Variants in EMCN observed in about 807,000 individuals in gnomAD.
EMCN encodes the protein MUC-14.
EMCN carries 37 observed loss-of-function variants against 38.4 expected under a neutral mutation model. The observed-to-expected ratio is 0.96, with a 90% CI of 0.74 to 1.27. EMCN has a LOEUF of 1.27. Ranked by LOEUF, EMCN falls within the 50% of genes most tolerant of loss-of-function variation. The pLI is 0.00. For synonymous variants in EMCN, 95 were observed against 100.8 expected, an observed-to-expected ratio of 0.94 and a Z score of 0.35; for missense variants, 318 against 302.8, an observed-to-expected ratio of 1.05 and a Z score of -0.37.
Position 100,415,884 on chromosome 4 carries a change from G to C in EMCN, c.751+14C>G. On this transcript the variant is annotated intron_variant, in intron 10 of 11. Coordinates refer to ENST00000296420, the MANE Select transcript of EMCN (RefSeq NM_016242.4). ...TAACTAATTTTCATCTAATCAACTT[G>C]TCTGGAAACTTACCAGACTCATGAG... is the stretch of plus-strand genomic sequence containing the variant. 4 of 1,558,094 alleles carry C rather than the reference G, an allele frequency of 2.6e-6. No individual in the cohort carries two copies. Among genetic ancestry groups the C allele is most frequent in the Non-Finnish European group, 3.5e-6 (4 of 1,148,446 alleles).
chr4:100,412,841 A>G (rs1726602530), intron 10 of EMCN, among the ~76,000 whole-genome samples: 1 of 152,168 alleles, frequency 6.6e-6, no homozygotes, highest in African/African-American at 2.4e-5. Context: ...GGAAGAAGGG[A>G]GTATGGATGG....
intron 5 of EMCN, among the ~76,000 whole-genome samples, chr4:100,430,306 A>G (rs1727161068): frequency 6.6e-6 from 1 of 152,164 alleles, no homozygotes; most frequent in South Asian, 2.1e-4. Context: ...AGTCTGTGGT[A>G]TCAACCCCAA....
chr4:100,449,765 G>C lies in EMCN; in HGVS notation c.377-2194C>G, dbSNP rs1208959221. Among the ~76,000 whole-genome samples, 4 of 152,078 alleles carry C rather than the reference G, an allele frequency of 2.6e-5. No individual in the cohort carries two copies. In the East Asian group the frequency reaches 7.7e-4, roughly 29 times the overall value. ...TAACTATACATTAAGGTATAGCTGA[G>C]TCTTCATAAAACACATCACTTCAAA... On this transcript the variant is annotated intron_variant, in intron 4 of 11. Transcript: ENST00000296420.
chr4:100,446,248 C>T lies in EMCN; in HGVS notation c.415+1285G>A, dbSNP rs560095080. 1.5e-4 allele frequency: 144 copies of T among 975,926 alleles called. No individual in the cohort carries two copies. In the African/African-American group the frequency reaches 2.4e-3, roughly 16 times the overall value. 60.5% of individuals were successfully genotyped at this position (975,926 alleles called of 1,614,324 possible). A position where few individuals can be genotyped will look rare whatever the true frequency, so the allele number is the denominator to read the frequency against. ...CCTCTAGTGCCTGCCAATTTTTAGCCTATGAAGATGGAAATAATAAAAAAT... is the reference window on the plus strand; with the variant it reads ...CCTCTAGTGCCTGCCAATTTTTAGCTTATGAAGATGGAAATAATAAAAAAT... On this transcript the variant is annotated intron_variant, in intron 5 of 11. Transcript: ENST00000296420.
At chr4:100,488,917 G>A (rs1471392609) in intron 1 of EMCN, among the ~76,000 whole-genome samples, 3 of 152,006 alleles carry the variant, frequency 2.0e-5, no homozygotes, top group Non-Finnish European at 2.9e-5. Context: ...GCCCTGAAAG[G>A]TTGTTTTAAG....
At chr4:100,418,963 C>T (rs1264574539) in intron 8 of EMCN, among the ~76,000 whole-genome samples, 3 of 152,168 alleles carry the variant, frequency 2.0e-5, no homozygotes, top group South Asian at 2.1e-4. Flanking sequence ...TGAGGAACCT[C>T]CAAGCTGTTC....
chr4:100,487,986 C>A (rs572990868), intron 1 of EMCN, among the ~76,000 whole-genome samples: 3 of 152,248 alleles, frequency 2.0e-5, no homozygotes, highest in Middle Eastern at 3.4e-3. Context: ...TCACTGGACA[C>A]TTTTTACTAG....
intron 4 of EMCN, among the ~76,000 whole-genome samples, chr4:100,461,477 G>A (rs967772166): frequency 4.6e-5 from 7 of 152,100 alleles, no homozygotes; most frequent in Admixed American, 3.9e-4. Flanking sequence ...CAGGTACATA[G>A]ATAATCCTCT....
At position 100,500,864 on chromosome 4, in the gene EMCN, G is replaced by A. The variant is rs1270541044; in HGVS notation, c.64+16987C>T. On this transcript the variant is annotated intron_variant, in intron 1 of 11. Transcript: ENST00000296420. ...AAAACATATTTTTATTTCTATTATT[G>A]CATAAAAGGAAAGTACTTACTTAAG... Among the ~76,000 whole-genome samples, 4 of 151,872 alleles carry A rather than the reference G, an allele frequency of 2.6e-5. No homozygotes were observed. The East Asian group carries it at 7.7e-4, about 29-fold the overall frequency.
At chr4:100,419,962 G>A (rs1287259627) in intron 8 of EMCN, among the ~76,000 whole-genome samples, 1 of 152,072 alleles carries the variant, frequency 6.6e-6, no homozygotes, top group Non-Finnish European at 1.5e-5. Flanking sequence ...GGGGCACACT[G>A]TCCATGAGGT....
chr4:100,408,017 G>A (rs28828208), intron 11 of EMCN, among the ~76,000 whole-genome samples: 1,638 of 152,272 alleles, frequency 0.011, 39 homozygotes, highest in African/African-American at 0.037. Flanking sequence ...CTACTCTGCT[G>A]TTAATACTTC....
chr4:100,424,408 T>A (rs2110220788), intron 5 of EMCN, among the ~76,000 whole-genome samples: 1 of 152,196 alleles, frequency 6.6e-6, no homozygotes, highest in Non-Finnish European at 1.5e-5. Flanking sequence ...TGCAGTCAAA[T>A]GTAGCTGACA....
intron 4 of EMCN, among the ~76,000 whole-genome samples, chr4:100,462,424 C>T (rs995916756): frequency 6.6e-6 from 1 of 152,092 alleles, no homozygotes; most frequent in Non-Finnish European, 1.5e-5. Flanking sequence ...TGACCACATA[C>T]TTCTGAAATG....
intron 4 of EMCN, among the ~76,000 whole-genome samples, chr4:100,462,937 C>T (rs995182023): frequency 1.3e-5 from 2 of 152,124 alleles, no homozygotes; most frequent in Admixed American, 1.3e-4. Flanking sequence ...ACAATTTCTA[C>T]TTGTCATCTC....
At chr4:100,413,343 C>A (rs1726617809) in intron 10 of EMCN, among the ~76,000 whole-genome samples, 1 of 151,840 alleles carries the variant, frequency 6.6e-6, no homozygotes, top group Non-Finnish European at 1.5e-5. Flanking sequence ...AGCTTGTGAA[C>A]TGACATCAAA....
At chr4:100,492,480 C>A (rs1179119567) in intron 1 of EMCN, among the ~76,000 whole-genome samples, 1 of 152,012 alleles carries the variant, frequency 6.6e-6, no homozygotes, top group Admixed American at 6.6e-5. Flanking sequence ...AGAAAAGAGA[C>A]AGCATATTTA....
chr4:100,399,843 A>G (rs539112052), intron 11 of EMCN, among the ~76,000 whole-genome samples: 4 of 152,168 alleles, frequency 2.6e-5, no homozygotes, highest in Admixed American at 2.0e-4. Context: ...ACTGCATGTC[A>G]TGGGTTTTTT....
intron 7 of EMCN, among the ~76,000 whole-genome samples, chr4:100,422,808 TC>T (rs1726925643): frequency 1.6e-5 from 2 of 127,636 alleles, no homozygotes; most frequent in African/African-American, 3.0e-5. Flanking sequence ...TTTCTTTCTT[TC>T]TTTCTTTCTT....
intron 5 of EMCN, among the ~76,000 whole-genome samples, chr4:100,430,502 G>C (rs540174980): frequency 6.8e-4 from 103 of 152,262 alleles, no homozygotes; most frequent in African/African-American, 2.5e-3. Flanking sequence ...ATAGAAACAA[G>C]GAGACAGGGA....
Sources: allele counts gnomAD v4.1 joint callset (sites outside exome capture counted in the v4.1 genomes callset), GRCh38; gene constraint gnomAD v4.1.1; transcripts MANE v1.5; gene names NCBI Gene and HGNC (gene_info 2026-07-23, HGNC 2026-07-21).